ASXL2: variants seen among roughly 807,000 people sequenced by gnomAD.
ASXL2 encodes ASXL transcriptional regulator 2, also known as putative Polycomb group protein ASXL2.
In ASXL2, 23 loss-of-function variants were observed where a neutral mutation model predicts 122.0. The ratio of observed to expected loss-of-function variants is 0.19; its 90% confidence interval spans 0.14 to 0.27. The LOEUF is 0.27. Ranked by LOEUF, ASXL2 falls within the 10% of genes least tolerant of loss-of-function variation. ASXL2 has a pLI of 1.00. For missense variants in ASXL2, 1,518 were observed against 1,713.8 expected, an observed-to-expected ratio of 0.89 and a Z score of 2.02; for synonymous variants, 650 against 637.0, an observed-to-expected ratio of 1.02 and a Z score of -0.31.
At chr2:25,753,035 T>C (rs1371928436) in intron 11 of ASXL2, among the ~76,000 whole-genome samples, 2 of 151,806 alleles carry the variant, frequency 1.3e-5, no homozygotes, top group Non-Finnish European at 2.9e-5. Context: ...TGGCACCATC[T>C]TGGCTCACCA....
Position 25,775,220 on chromosome 2 carries a change from C to T in ASXL2, c.404-3680G>A, listed in dbSNP as rs890412784. On this transcript the variant is annotated intron_variant, in intron 5 of 12. Coordinates refer to ENST00000435504, the MANE Select transcript of ASXL2 (RefSeq NM_018263.6). Reference sequence around the variant, plus strand: ...TCAGCTCACTGCAACCTCTGCTTCTCAGGTTCAAGTGATTCTCCTGCCTCA... The same window carrying T: ...TCAGCTCACTGCAACCTCTGCTTCTTAGGTTCAAGTGATTCTCCTGCCTCA... Among the ~76,000 whole-genome samples the T allele has an allele frequency of 1.3e-5, 2 of 152,114 alleles. 1 individual carries two copies. Among genetic ancestry groups the T allele is most frequent in the Non-Finnish European group, 2.9e-5 (2 of 68,022 alleles).
intron 3 of ASXL2, among the ~76,000 whole-genome samples, chr2:25,826,116 T>A (rs1318275374): frequency 1.3e-5 from 2 of 152,198 alleles, no homozygotes; most frequent in African/African-American, 4.8e-5. Flanking sequence ...ATACTCTTCC[T>A]ATAAGTCTAT....
At chr2:25,873,647 AAAAAAAC>A (rs1444881811) in intron 1 of ASXL2, among the ~76,000 whole-genome samples, 1 of 151,874 alleles carries the variant, frequency 6.6e-6, no homozygotes, top group Admixed American at 6.6e-5. Flanking sequence ...TATATTAAAA[AAAAAAAC>A]AAAAAAACTA....
At chr2:25,764,981 A>T (rs2088318814) in intron 8 of ASXL2, among the ~76,000 whole-genome samples, 2 of 152,144 alleles carry the variant, frequency 1.3e-5, no homozygotes, top group South Asian at 4.1e-4. Flanking sequence ...AAGTTTTTTC[A>T]ATTTAGGTTG....
chr2:25,795,144 CT>C (rs2088893887), intron 5 of ASXL2, among the ~76,000 whole-genome samples: 1 of 152,228 alleles, frequency 6.6e-6, no homozygotes, highest in Non-Finnish European at 1.5e-5. Context: ...CTCACCTCAC[CT>C]TCTAGATACC....
At chr2:25,856,625 A>G (rs2149198202) in intron 1 of ASXL2, 1 of 1,244,216 alleles carries the variant, frequency 8.0e-7, no homozygotes, top group Non-Finnish European at 1.2e-6. Context: ...CAAGGTCAGC[A>G]ATGAAAATGT....
At chr2:25,837,085 G>C (rs772949099) in intron 2 of ASXL2, among the ~76,000 whole-genome samples, 1 of 12,306 alleles carries the variant, frequency 8.1e-5, no homozygotes, top group Admixed American at 5.1e-4. Context: ...AAAGGGGGGT[G>C]GGGGGGGGGG....
chr2:25,810,325 CTTCT>C, intron 3 of ASXL2: 1 of 658,604 alleles, frequency 1.5e-6, no homozygotes, highest in South Asian at 1.4e-5. Context: ...GTGTGTTTAG[CTTCT>C]TTGAGTTGGA....
Position 25,733,838 on chromosome 2 carries a change from C to T in ASXL2, c.*8191G>A, listed in dbSNP as rs191655819. 4.3e-4 allele frequency: 65 copies of T among 152,242 alleles called. 1 individual carries two copies. Among genetic ancestry groups the T allele is most frequent in the African/African-American group, 1.5e-3 (61 of 41,534 alleles). 9.4% of individuals were successfully genotyped at this position (152,242 alleles called of 1,614,324 possible). On this transcript the variant is annotated 3_prime_UTR_variant, in exon 13 of 13. Coordinates refer to ENST00000435504, the MANE Select transcript of ASXL2 (RefSeq NM_018263.6). ...ATGTGCAGAAACATACATTCAACTT[C>T]GAAGAAGGTTGTTTTTATACGACCA...
At chr2:25,766,808 T>A (rs2088362010) in intron 8 of ASXL2, among the ~76,000 whole-genome samples, 1 of 152,170 alleles carries the variant, frequency 6.6e-6, no homozygotes. Context: ...AATGTGGAGT[T>A]TCTCTGGTTG....
chr2:25,872,251 G>T (rs892283825), intron 1 of ASXL2, among the ~76,000 whole-genome samples: 8 of 152,112 alleles, frequency 5.3e-5, no homozygotes, highest in African/African-American at 1.9e-4. Context: ...GCGTGGTAGT[G>T]CGTGCTTGTG....
chr2:25,756,783 C>A (rs969426004), intron 9 of ASXL2, among the ~76,000 whole-genome samples: 3 of 152,208 alleles, frequency 2.0e-5, no homozygotes, highest in African/African-American at 4.8e-5. Context: ...CGAAAACTAA[C>A]AGGAGTGGCT....
intron 5 of ASXL2, among the ~76,000 whole-genome samples, chr2:25,793,649 A>T (rs1386119473): frequency 1.3e-5 from 2 of 152,226 alleles, no homozygotes; most frequent in East Asian, 3.8e-4. Context: ...TAATAATCGA[A>T]GTTTCCGAAA....
chr2:25,808,314 CTG>C (rs2089115252), intron 3 of ASXL2, among the ~76,000 whole-genome samples: 1 of 152,138 alleles, frequency 6.6e-6, no homozygotes, highest in South Asian at 2.1e-4. Flanking sequence ...AAGGGCAGAA[CTG>C]AGAAAAGTCA....
intron 5 of ASXL2, among the ~76,000 whole-genome samples, chr2:25,791,303 A>T (rs78139107): frequency 2.0e-5 from 3 of 152,080 alleles, no homozygotes; most frequent in African/African-American, 7.2e-5. Context: ...TCTGGCCAAC[A>T]TGGCAAAACC....
intron 2 of ASXL2, among the ~76,000 whole-genome samples, chr2:25,841,469 A>C (rs2089577385): frequency 6.6e-6 from 1 of 152,144 alleles, no homozygotes; most frequent in African/African-American, 2.4e-5. Context: ...CTGCCTCTGG[A>C]GCTACCTTAA....
chr2:25,841,603 T>C (rs1312556669), intron 2 of ASXL2, among the ~76,000 whole-genome samples: 1 of 151,900 alleles, frequency 6.6e-6, no homozygotes, highest in Admixed American at 6.6e-5. Context: ...TCCCTGTACT[T>C]TGGGAGGCCG....
At chr2:25,870,239 C>T (rs1488224595) in intron 1 of ASXL2, among the ~76,000 whole-genome samples, 1 of 152,038 alleles carries the variant, frequency 6.6e-6, no homozygotes, top group Non-Finnish European at 1.5e-5. Flanking sequence ...TATTAATAAC[C>T]TGGTGGCCGG....
chr2:25,767,955 T>C (rs1330630819), intron 7 of ASXL2, among the ~76,000 whole-genome samples: 1 of 152,234 alleles, frequency 6.6e-6, no homozygotes, highest in Non-Finnish European at 1.5e-5. Context: ...AAAAATGCAG[T>C]TCTGTAAGAT....
Sources: gnomAD v4.1 joint callset for allele counts (sites outside exome capture counted in the v4.1 genomes callset) on GRCh38, gnomAD v4.1.1 for gene constraint, MANE v1.5 for transcripts, NCBI Gene and HGNC (gene_info 2026-07-23, HGNC 2026-07-21) for gene names.